The following SPHKAP variants were observed in gnomAD, a reference collection of about 807,000 sequenced individuals.
SPHKAP encodes the protein SPHK1 interactor, AKAP domain containing.
Under a neutral mutation model 137.5 loss-of-function variants are expected in SPHKAP, and 67 were observed. The ratio of observed to expected loss-of-function variants is 0.49; its 90% CI spans 0.40 to 0.60. The LOEUF (loss-of-function observed/expected upper bound fraction) is 0.60, where lower values mean the gene tolerates loss of function less well. SPHKAP is among the 20% of genes least tolerant of loss of function. The pLI is 0.00. For synonymous variants in SPHKAP, 813 were observed against 785.3 expected (o/e 1.04, Z -0.59); for missense variants, 2,097 against 2,069.3 (o/e 1.01, Z -0.26).
chr2:228,162,703 T>G (rs1700309969), intron 1 of SPHKAP, among the ~76,000 whole-genome samples: 1 of 151,926 alleles, frequency 6.6e-6, no homozygotes, highest in Non-Finnish European at 1.5e-5. Context: ...TTTTATTTAT[T>G]TATTTATTTT....
At chr2:227,990,916 CA>C (rs1214998260) in intron 11 of SPHKAP, 83 bp downstream of exon 11, 15 of 1,356,154 alleles carry the variant, frequency 1.1e-5, no homozygotes, top group Non-Finnish European at 1.5e-5. Context: ...TTCAAATGGA[CA>C]GGGGTTTACT....
At chr2:228,055,640 G>A (rs916125043) in intron 3 of SPHKAP, among the ~76,000 whole-genome samples, 3 of 152,190 alleles carry the variant, frequency 2.0e-5, no homozygotes, top group African/African-American at 7.2e-5. Context: ...CAGCTCAGAG[G>A]TTAAGGGGAG....
At chr2:228,021,071 A>G (rs558544884) in intron 6 of SPHKAP, among the ~76,000 whole-genome samples, 19 of 152,300 alleles carry the variant, frequency 1.2e-4, no homozygotes, top group African/African-American at 4.3e-4. Context: ...GACAGTGGCA[A>G]CAACATCTGG....
chr2:228,140,486 C>G (rs1232931340), intron 1 of SPHKAP, among the ~76,000 whole-genome samples: 1 of 152,070 alleles, frequency 6.6e-6, no homozygotes, highest in East Asian at 1.9e-4. Context: ...AGAATTTACC[C>G]TCATTTAATG....
intron 3 of SPHKAP, among the ~76,000 whole-genome samples, chr2:228,053,118 C>T (rs774438441): frequency 2.0e-5 from 3 of 152,190 alleles, no homozygotes; most frequent in Middle Eastern, 3.4e-3. Flanking sequence ...CGTAGACAGC[C>T]ATCTTCTTGC....
chr2:228,008,379 C>T (rs1159723106), intron 7 of SPHKAP, among the ~76,000 whole-genome samples: 1 of 150,996 alleles, frequency 6.6e-6, no homozygotes, highest in Non-Finnish European at 1.5e-5. Flanking sequence ...TCACTGCAAA[C>T]TCTACCTCTC....
At chr2:228,094,467 A>C (rs550955537) in intron 3 of SPHKAP, among the ~76,000 whole-genome samples, 1 of 152,196 alleles carries the variant, frequency 6.6e-6, no homozygotes, top group African/African-American at 2.4e-5. Flanking sequence ...ACACTTGTAC[A>C]TTCTATTTGT....
Position 227,981,652 on chromosome 2 carries a change from G to C in SPHKAP, c.*65C>G, listed in dbSNP as rs1574702625. 2 of 1,548,450 alleles carry C rather than the reference G, an allele frequency of 1.3e-6. No homozygotes were observed. Among genetic ancestry groups the C allele is most frequent in the East Asian group, 4.6e-5 (2 of 43,678 alleles). ...GTTTTGAGAATGTTTAGAGCATTTA[G>C]AACAAACCACTGTAATCTAAGTTGG... On this transcript the variant is annotated 3_prime_UTR_variant, in exon 12 of 12. Transcript: ENST00000392056.
intron 1 of SPHKAP, among the ~76,000 whole-genome samples, chr2:228,142,309 T>C (rs1699630281): frequency 6.7e-6 from 1 of 150,362 alleles, no homozygotes; most frequent in Non-Finnish European, 1.5e-5. Flanking sequence ...TTTGTTGCTC[T>C]CTGAAATTAA....
intron 1 of SPHKAP, among the ~76,000 whole-genome samples, chr2:228,167,588 T>C (rs1208636796): frequency 1.3e-5 from 2 of 152,216 alleles, no homozygotes; most frequent in Non-Finnish European, 2.9e-5. Context: ...TTATTTTTGG[T>C]TTGAATTACC....
chr2:228,112,213 A>T (rs1418121784), intron 2 of SPHKAP, among the ~76,000 whole-genome samples: 2 of 152,162 alleles, frequency 1.3e-5, no homozygotes, highest in Non-Finnish European at 2.9e-5. Flanking sequence ...TCATAAGAAC[A>T]TTAAAGATTT....
rs530705288 is a variant in SPHKAP at position 228,046,990 on chromosome 2, G to A, written c.247-19447C>T. On this transcript the variant is annotated intron_variant, in intron 3 of 11. Coordinates refer to ENST00000392056, the MANE Select transcript of SPHKAP (RefSeq NM_001142644.2). ...AATAAAAGCATAAAAAATATTCTTG[G>A]GCTTCAAATAGCTCTTGCCAAATAC... 2.8e-4 allele frequency among the ~76,000 whole-genome samples: 42 copies of A among 152,038 alleles called. 1 individual carries two copies. Among genetic ancestry groups the A allele is most frequent in the African/African-American group, 9.6e-4 (40 of 41,460 alleles).
intron 3 of SPHKAP, among the ~76,000 whole-genome samples, chr2:228,047,607 C>T (rs1014151073): frequency 5.9e-5 from 9 of 152,184 alleles, no homozygotes; most frequent in Non-Finnish European, 1.2e-4. Flanking sequence ...TTCATTCATT[C>T]ATTCATTCAC....
At chr2:228,005,025 AT>A (rs1321991189) in intron 7 of SPHKAP, among the ~76,000 whole-genome samples, 1 of 152,296 alleles carries the variant, frequency 6.6e-6, no homozygotes, top group East Asian at 1.9e-4. Flanking sequence ...AAGAATGTAT[AT>A]TCTGTTGATT....
rs1463891099 is a variant in SPHKAP at position 228,031,420 on chromosome 2, T to G, written c.247-3877A>C. Among the ~76,000 whole-genome samples, 3 of 152,354 alleles carry G rather than the reference T, an allele frequency of 2.0e-5. No individual in the cohort carries two copies. The East Asian group carries it at 5.8e-4, about 29-fold the overall frequency. ...CAGCTCAAGGAGGCCTGCCTGCCTCTGTAGGCTCCACCTCTGGGGGCAGGG... is the reference window on the plus strand; with the variant it reads ...CAGCTCAAGGAGGCCTGCCTGCCTCGGTAGGCTCCACCTCTGGGGGCAGGG... On this transcript the variant is annotated intron_variant, in intron 3 of 11. Transcript: ENST00000392056.
At chr2:228,045,712 A>ACAT (rs1696019626) in intron 3 of SPHKAP, among the ~76,000 whole-genome samples, 1 of 152,050 alleles carries the variant, frequency 6.6e-6, no homozygotes, top group Non-Finnish European at 1.5e-5. Context: ...ACAAACCTGC[A>ACAT]CATTGTGCAC....
At position 228,021,983 on chromosome 2, in the gene SPHKAP, A is replaced by G; in HGVS notation, c.442-17T>C. On this transcript the variant is annotated splice_polypyrimidine_tract_variant and intron_variant, in intron 5 of 11. Coordinates refer to ENST00000392056, the MANE Select transcript of SPHKAP (RefSeq NM_001142644.2). ...CCAAGGGCACTAAAAGTGGAGAGAA[A>G]AGAAGGCATTTATTCAAAAGGGAAA... 1 of 1,562,666 alleles carries G rather than the reference A, an allele frequency of 6.4e-7. No individual in the cohort carries two copies. Among genetic ancestry groups the G allele is most frequent in the Non-Finnish European group, 8.6e-7 (1 of 1,158,090 alleles).
At chr2:228,092,424 CAT>C (rs1697809307) in intron 3 of SPHKAP, among the ~76,000 whole-genome samples, 2 of 121,612 alleles carry the variant, frequency 1.6e-5, no homozygotes, top group Non-Finnish European at 1.7e-5. Flanking sequence ...TACATATATA[CAT>C]ATATGTATAT....
chr2:228,058,951 C>T (rs939214399), intron 3 of SPHKAP, among the ~76,000 whole-genome samples: 5 of 152,122 alleles, frequency 3.3e-5, no homozygotes, highest in African/African-American at 1.2e-4. Flanking sequence ...ATAGGCAGAC[C>T]CTCTCCCTCA....
Sources: gnomAD v4.1 joint callset for allele counts (sites outside exome capture counted in the v4.1 genomes callset) on GRCh38, gnomAD v4.1.1 for gene constraint, MANE v1.5 for transcripts, NCBI Gene and HGNC (gene_info 2026-07-23, HGNC 2026-07-21) for gene names.